Variants in AP1B1 observed in about 807,000 individuals in gnomAD.
AP1B1 encodes the protein AP-1 complex subunit beta-1.
AP1B1 carries 36 observed loss-of-function variants against 104.3 expected under a neutral mutation model. That is an observed-to-expected ratio of 0.35 (90% CI 0.26 to 0.46). AP1B1 has a LOEUF of 0.46. Among genes scored for constraint, AP1B1 ranks in the 20% least tolerant of loss-of-function variants. AP1B1 has a pLI of 1.00. For missense variants in AP1B1, 901 were observed against 1,247.9 expected, an observed-to-expected ratio of 0.72 and a Z score of 4.19; for synonymous variants, 504 against 517.5, an observed-to-expected ratio of 0.97 and a Z score of 0.35.
rs184838269 is a variant in AP1B1, at chr22:29,374,054, T to C, written c.-27-6784A>G. 9.0e-4 allele frequency among the ~76,000 whole-genome samples: 136 copies of C among 151,806 alleles called. 1 individual carries two copies. Among genetic ancestry groups the C allele is most frequent in the African/African-American group, 3.1e-3 (130 of 41,364 alleles). On this transcript the variant is annotated intron_variant, in intron 1 of 22. Coordinates refer to ENST00000357586, the MANE Select transcript of AP1B1 (RefSeq NM_001127.4). ...CTCTACTAAAAATACAAAAATTAGC[T>C]GGGCATGGTGGCGGTGCATGCCTGT...
intron 14 of AP1B1, 68 bp downstream of exon 14, chr22:29,340,588 A>G: frequency 6.9e-7 from 1 of 1,441,994 alleles, no homozygotes; most frequent in Non-Finnish European, 9.3e-7. Flanking sequence ...CCTGGCATGG[A>G]GGGGCATTCA....
chr22:29,349,190 T>C (rs2061835939), intron 11 of AP1B1, 28 bp downstream of exon 11: 8 of 1,608,096 alleles, frequency 5.0e-6, no homozygotes, highest in Non-Finnish European at 5.9e-6. Flanking sequence ...CAGTCATGAC[T>C]CACACCCTGG....
At position 29,365,967 on chromosome 22, in the gene AP1B1, T is replaced by C. The variant is rs552100620; in HGVS notation, c.37+1240A>G. 1.7e-3 allele frequency among the ~76,000 whole-genome samples: 259 copies of C among 152,258 alleles called. 1 individual carries two copies. Among genetic ancestry groups the C allele is most frequent in the African/African-American group, 6.0e-3 (250 of 41,542 alleles). The stretch of plus-strand genomic sequence containing the variant: ...TCTGTTTCTTTTCCACTGCACATGG[T>C]AGGTTCTCAGTAAAAACCAGCTAGA... On this transcript the variant is annotated intron_variant, in intron 2 of 22. Coordinates refer to ENST00000357586, the MANE Select transcript of AP1B1 (RefSeq NM_001127.4).
Position 29,339,032 on chromosome 22 carries a change from A to C in AP1B1, c.2121T>G (p.Ser707Arg), listed in dbSNP as rs764678525. 1 of 1,614,170 alleles carries C rather than the reference A, an allele frequency of 6.2e-7. No individual in the cohort carries two copies. Among genetic ancestry groups the C allele is most frequent in the East Asian group, 2.2e-5 (1 of 44,886 alleles). ...ATGATCCTGACAGGGTGCCCACGCC[A>C]CTGGTCAGGTCAAAGAGGTCACTCA... ...SGLSDLFDLT[S>R]GVGTLSGSYV... The change falls in exon 16 of 23, where the codon AGT becomes AGG. Residue 707 changes from serine (S) to arginine (R), a missense_variant. Transcript: ENST00000357586.
chr22:29,346,894 C>T (rs1195714472), intron 11 of AP1B1, among the ~76,000 whole-genome samples: 1 of 152,234 alleles, frequency 6.6e-6, no homozygotes, highest in East Asian at 1.9e-4. Flanking sequence ...AACAGAAACA[C>T]TGGCTTTCCT....
In AP1B1 at chr22:29,354,837, C is replaced by T; in HGVS notation, c.751G>A (p.Ala251Thr). The T allele has an allele frequency of 6.2e-7, 1 of 1,614,058 alleles. No homozygotes were observed. The highest frequency in any genetic ancestry group is 8.5e-7 in the Non-Finnish European group (1 of 1,180,020). ...GCAGAGAGCACCACAGCGGAGTTGG[C>T]ATGGGAGAGCCTGGGGGTGACCCGC... ...CERVTPRLSH[A>T]NSAVVLSAVK... The change falls in exon 7 of 23, where the codon GCC becomes ACC. Residue 251 changes from alanine to threonine, a missense_variant. Transcript: ENST00000357586.
At chr22:29,360,642 G>A (rs1337604021) in intron 3 of AP1B1, among the ~76,000 whole-genome samples, 1 of 152,150 alleles carries the variant, frequency 6.6e-6, no homozygotes, top group Non-Finnish European at 1.5e-5. Flanking sequence ...CAGAAGTCAG[G>A]GGATGATCCC....
intron 2 of AP1B1, among the ~76,000 whole-genome samples, chr22:29,366,135 G>T (rs2062131896): frequency 6.6e-6 from 1 of 152,152 alleles, no homozygotes; most frequent in Non-Finnish European, 1.5e-5. Flanking sequence ...TGGCCAGAAA[G>T]ATGCTTACAG....
At position 29,338,986 on chromosome 22, in the gene AP1B1, T is replaced by C; in HGVS notation, c.2163+4A>G. The C allele has an allele frequency of 6.2e-7, 1 of 1,614,034 alleles. No homozygotes were observed. The highest frequency in any genetic ancestry group is 1.1e-5 in the South Asian group (1 of 91,072). On this transcript the variant is annotated splice_donor_region_variant and intron_variant, in intron 16 of 22. Transcript: ENST00000357586. ...CCCGCCAAGACAGAAGACAAGTGAC[T>C]TACTGCTTTGGGGGCCACATATGAT... is the stretch of plus-strand genomic sequence containing the variant.
chr22:29,339,510 C>T (rs1229141938), intron 15 of AP1B1, among the ~76,000 whole-genome samples: 3 of 152,014 alleles, frequency 2.0e-5, no homozygotes, highest in Non-Finnish European at 2.9e-5. Context: ...CTGGCAATCC[C>T]CGCGATGACA....
chr22:29,355,922 T>C (rs189225233), intron 6 of AP1B1, among the ~76,000 whole-genome samples: 32 of 151,156 alleles, frequency 2.1e-4, no homozygotes, highest in African/African-American at 6.8e-4. Context: ...AGATGGCAAC[T>C]CCTCACTTCC....
intron 11 of AP1B1, among the ~76,000 whole-genome samples, chr22:29,348,174 C>G (rs538616443): frequency 6.6e-6 from 1 of 152,202 alleles, no homozygotes; most frequent in Non-Finnish European, 1.5e-5. Flanking sequence ...TTACTTGTAG[C>G]CCCCAAATCA....
At chr22:29,376,759 A>G (rs1157784130) in intron 1 of AP1B1, among the ~76,000 whole-genome samples, 1 of 152,204 alleles carries the variant, frequency 6.6e-6, no homozygotes. Flanking sequence ...GTTCTGTTTC[A>G]AAGGCAGAGG....
rs1443641392 is a variant in AP1B1, at chr22:29,365,962, C to T, written c.37+1245G>A. ...GAGGCTCTGTTTCTTTTCCACTGCA[C>T]ATGGTAGGTTCTCAGTAAAAACCAG... On this transcript the variant is annotated intron_variant, in intron 2 of 22. Coordinates refer to ENST00000357586, the MANE Select transcript of AP1B1 (RefSeq NM_001127.4). Among the ~76,000 whole-genome samples, 15 of 152,310 alleles carry T rather than the reference C, an allele frequency of 9.8e-5. No individual in the cohort carries two copies. The South Asian group carries it at 3.1e-3, about 32-fold the overall frequency.
chr22:29,382,861 C>T (rs142700820), intron 1 of AP1B1, among the ~76,000 whole-genome samples: 2 of 152,110 alleles, frequency 1.3e-5, no homozygotes, highest in Non-Finnish European at 2.9e-5. Context: ...TATGATCAAG[C>T]GTGAGGTCTC....
chr22:29,355,233 T>C (rs2061938015), intron 6 of AP1B1, among the ~76,000 whole-genome samples: 1 of 149,964 alleles, frequency 6.7e-6, no homozygotes, highest in South Asian at 2.1e-4. Context: ...TGAGACCCTG[T>C]CTCGAAAAAA....
rs1443889539 is a variant in AP1B1 at position 29,342,391 on chromosome 22, G to C, written c.1438-8C>G. 5 of 1,611,918 alleles carry C rather than the reference G, an allele frequency of 3.1e-6. No individual in the cohort carries two copies. Among genetic ancestry groups the C allele is most frequent in the East Asian group, 2.2e-5 (1 of 44,860 alleles). On this transcript the variant is annotated splice_region_variant and splice_polypyrimidine_tract_variant and intron_variant, in intron 11 of 22. Coordinates refer to ENST00000357586, the MANE Select transcript of AP1B1 (RefSeq NM_001127.4). ...CAGCAGCTGCAGCTGGACCTGCAGG[G>C]AACAGCGGTGACGAGGAGGAAGTGT...
intron 11 of AP1B1, among the ~76,000 whole-genome samples, chr22:29,345,222 T>C (rs57535792): frequency 0.041 from 4,978 of 122,300 alleles, 286 homozygotes; most frequent in African/African-American, 0.14. Context: ...CCACACCCAG[T>C]TCATTTTTTT....
chr22:29,374,998 T>C (rs1302835186), intron 1 of AP1B1, among the ~76,000 whole-genome samples: 3 of 151,858 alleles, frequency 2.0e-5, no homozygotes, highest in Admixed American at 6.6e-5. Flanking sequence ...ACTCTATACA[T>C]AAATAAAATG....
Sources: gnomAD v4.1 joint callset for allele counts (sites outside exome capture counted in the v4.1 genomes callset) on GRCh38, gnomAD v4.1.1 for gene constraint, MANE v1.5 for transcripts, NCBI Gene and HGNC (gene_info 2026-07-23, HGNC 2026-07-21) for gene names.